The following BCL2L11 variants were observed in gnomAD, a reference collection of about 807,000 sequenced individuals.
The protein encoded by BCL2L11 is BCL2 like 11.
BCL2L11 carries 15 observed loss-of-function variants against 20.6 expected under a neutral mutation model. The ratio of observed to expected loss-of-function variants is 0.73; its 90% confidence interval spans 0.49 to 1.12. The LOEUF (loss-of-function observed/expected upper bound fraction) is 1.12, where lower values mean the gene tolerates loss of function less well. BCL2L11 is among the 50% of genes most tolerant of loss of function. The pLI, the probability that BCL2L11 is intolerant of heterozygous loss-of-function variation, is 0.00. For synonymous variants in BCL2L11, 108 were observed against 92.8 expected, an observed-to-expected ratio of 1.16 and a Z score of -0.94; for missense variants, 292 against 260.9, an observed-to-expected ratio of 1.12 and a Z score of -0.82.
chr2:111,132,805 C>G (rs1011370815), intron 2 of BCL2L11, among the ~76,000 whole-genome samples: 1 of 152,142 alleles, frequency 6.6e-6, no homozygotes, highest in Non-Finnish European at 1.5e-5. Flanking sequence ...CTTTGCTTAT[C>G]GAAGATCAGG....
At chr2:111,121,883 C>T (rs1030189735) in intron 1 of BCL2L11, among the ~76,000 whole-genome samples, 1 of 152,172 alleles carries the variant, frequency 6.6e-6, no homozygotes, top group Admixed American at 6.5e-5. Context: ...GGGGACTAGT[C>T]GCGGCCGGCA....
intron 3 of BCL2L11, among the ~76,000 whole-genome samples, chr2:111,154,366 A>AG (rs2077587139): frequency 6.6e-6 from 1 of 152,002 alleles, no homozygotes; most frequent in Non-Finnish European, 1.5e-5. Flanking sequence ...AAAAAAAAAA[A>AG]AAAGAAAAAA....
intron 2 of BCL2L11, among the ~76,000 whole-genome samples, chr2:111,132,723 A>G (rs1189183154): frequency 6.6e-6 from 1 of 152,218 alleles, no homozygotes; most frequent in Non-Finnish European, 1.5e-5. Flanking sequence ...ATACCTACAG[A>G]TCGGGTGAAT....
At position 111,123,686 on chromosome 2, in the gene BCL2L11, A is replaced by ATTTT. The variant is rs372903612; in HGVS notation, c.-13-39_-13-36dup. On this transcript the variant is annotated intron_variant, in intron 1 of 3. Coordinates refer to ENST00000393256, the MANE Select transcript of BCL2L11 (RefSeq NM_138621.5). The stretch of plus-strand genomic sequence containing the variant: ...TGAGAGCTAATTTGTTTATTCATCG[A>ATTTT]TTTTTTTTTTTGCTTAAAATAATCT... 2,478 of 1,080,426 alleles carry ATTTT rather than the reference A, an allele frequency of 2.3e-3. 32 individuals carry two copies. In the African/African-American group the frequency reaches 0.035, roughly 15 times the overall value. The allele number at this position is 1,080,426 out of a possible 1,614,324, so 66.9% of individuals were successfully genotyped here. A position where few individuals can be genotyped will look rare whatever the true frequency, so the allele number is the denominator to read the frequency against.
chr2:111,137,660 A>G (rs531306217), intron 2 of BCL2L11, among the ~76,000 whole-genome samples: 1 of 148,594 alleles, frequency 6.7e-6, no homozygotes, highest in East Asian at 2.0e-4. Context: ...TTTTCAGGAA[A>G]TGCTAGCAGA....
Position 111,150,086 on chromosome 2 carries a change from T to TA in BCL2L11, c.438dup (p.Trp147MetfsTer14). The TA allele has an allele frequency of 6.2e-7, 1 of 1,614,080 alleles. No individual in the cohort carries two copies. Among genetic ancestry groups the TA allele is most frequent in the Non-Finnish European group, 8.5e-7 (1 of 1,179,954 alleles). ...GAACCTGCAGATATGCGCCCAGAGA[T>TA]ATGGATCGCCCAAGAGTTGCGGCGT... On this transcript the variant is annotated frameshift_variant, in exon 3 of 4. Transcript: ENST00000393256. LOFTEE classifies it high-confidence loss of function.
In BCL2L11 at chr2:111,164,901, T is replaced by C. The variant is rs1575242804; in HGVS notation, c.*670T>C. On this transcript the variant is annotated 3_prime_UTR_variant, in exon 4 of 4. Transcript: ENST00000393256. Reference sequence around the variant, plus strand: ...CCAGTCCCATTTGTAAATATTTACGTACCTTTATAAATTCAGTTGCATCTG... The same window carrying C: ...CCAGTCCCATTTGTAAATATTTACGCACCTTTATAAATTCAGTTGCATCTG... The C allele has an allele frequency of 6.6e-6, 1 of 152,562 alleles. No individual in the cohort carries two copies. The highest frequency in any genetic ancestry group is 6.5e-5 in the Admixed American group (1 of 15,310). 9.5% of individuals were successfully genotyped at this position (152,562 alleles called of 1,614,324 possible).
At chr2:111,163,479 T>C (rs1314972498) in intron 3 of BCL2L11, 1 of 152,300 alleles carries the variant, frequency 6.6e-6, no homozygotes, top group Non-Finnish European at 1.5e-5. Context: ...TGATTTCCTT[T>C]TGAACAGTTT....
At chr2:111,160,815 G>C (rs1348993566) in intron 3 of BCL2L11, among the ~76,000 whole-genome samples, 2 of 152,164 alleles carry the variant, frequency 1.3e-5, no homozygotes, top group African/African-American at 2.4e-5. Flanking sequence ...TTGCAATTTA[G>C]ACTAAAACAG....
At chr2:111,134,268 T>C (rs2074461710) in intron 2 of BCL2L11, among the ~76,000 whole-genome samples, 7 of 152,154 alleles carry the variant, frequency 4.6e-5, no homozygotes, top group Admixed American at 4.6e-4. Context: ...TATACGAACA[T>C]TTTCTAGGAT....
rs185078669 is a variant in BCL2L11 at position 111,164,173 on chromosome 2, G to A, written c.539G>A (p.Arg180Gln). 1.5e-5 allele frequency: 24 copies of A among 1,559,768 alleles called. No homozygotes were observed. The highest frequency in any genetic ancestry group is 2.5e-5 in the East Asian group (1 of 40,630). The stretch of plus-strand genomic sequence containing the variant: ...TACCAAGCAGCCGAAGACCACCCAC[G>A]AATGGTTATCTTACGACTGTTACGT... Reference protein sequence around the residue: ...NNYQAAEDHPRMVILRLLRYI... With the variant: ...NNYQAAEDHPQMVILRLLRYI... The change falls in exon 4 of 4, where the codon CGA (arginine) becomes CAA (glutamine). Residue 180 changes from arginine (R) to glutamine (Q), a missense_variant. Arg to Gln is a conservative substitution (Grantham distance 43, BLOSUM62 1). Transcript: ENST00000393256.
chr2:111,121,892 C>T (rs942038770), intron 1 of BCL2L11, among the ~76,000 whole-genome samples: 1 of 152,194 alleles, frequency 6.6e-6, no homozygotes, highest in African/African-American at 2.4e-5. Context: ...TCGCGGCCGG[C>T]AGAACCTGCT....
rs1159564851 is a variant in BCL2L11 at position 111,167,190 on chromosome 2, A to G, written c.*2959A>G. The G allele has an allele frequency of 6.6e-6, 1 of 152,408 alleles. No homozygotes were observed. The highest frequency in any genetic ancestry group is 1.9e-4 in the East Asian group (1 of 5,198). The allele number at this position is 152,408 out of a possible 1,614,324, so 9.4% of individuals were successfully genotyped here. ...CCGTCCCATGAAGTTAACTCCTGAG[A>G]GTTGTCGGGGGTGACTGGAGAGCTC... On this transcript the variant is annotated 3_prime_UTR_variant, in exon 4 of 4. Coordinates refer to ENST00000393256, the MANE Select transcript of BCL2L11 (RefSeq NM_138621.5).
intron 3 of BCL2L11, 142 bp downstream of exon 3, chr2:111,150,289 T>G: frequency 6.8e-7 from 1 of 1,464,596 alleles, no homozygotes; most frequent in South Asian, 1.2e-5. Context: ...TTTCATTGTT[T>G]CTCCTTTCCC....
At position 111,142,874 on chromosome 2, in the gene BCL2L11, A is replaced by G. The variant is rs115439129; in HGVS notation, c.395-7170A>G. Among the ~76,000 whole-genome samples, 1,076 of 152,348 alleles carry G rather than the reference A, an allele frequency of 7.1e-3. 4 individuals are homozygous for G. Among genetic ancestry groups the G allele is most frequent in the Non-Finnish European group, 0.012 (792 of 68,032 alleles). On this transcript the variant is annotated intron_variant, in intron 2 of 3. Coordinates refer to ENST00000393256, the MANE Select transcript of BCL2L11 (RefSeq NM_138621.5). ...GGTTTTTTGGCTAGAAACAACTTAC[A>G]GTAACTTCAAATTAAGCATTTTAAT...
chr2:111,130,350 C>T (rs985018070), intron 2 of BCL2L11: 14 of 228,096 alleles, frequency 6.1e-5, no homozygotes, highest in Non-Finnish European at 7.2e-5. Context: ...GTGATCTGCC[C>T]GCCTTGGCCT....
At position 111,153,899 on chromosome 2, in the gene BCL2L11, G is replaced by T. The variant is rs1275065433; in HGVS notation, c.498+3752G>T. ...ATCCTTGAAGGAGGAGGTGAGAGAGGCACAGGTGAGCGCAAAGTCCCAGTG... is the reference window on the plus strand; with the variant it reads ...ATCCTTGAAGGAGGAGGTGAGAGAGTCACAGGTGAGCGCAAAGTCCCAGTG... On this transcript the variant is annotated intron_variant, in intron 3 of 3. Coordinates refer to ENST00000393256, the MANE Select transcript of BCL2L11 (RefSeq NM_138621.5). The T allele has an allele frequency of 2.6e-6, 4 of 1,544,482 alleles. No individual in the cohort carries two copies. The Admixed American group carries it at 7.9e-5, about 31-fold the overall frequency.
intron 2 of BCL2L11, among the ~76,000 whole-genome samples, chr2:111,147,114 C>G (rs1371559222): frequency 6.6e-6 from 1 of 152,164 alleles, no homozygotes; most frequent in Non-Finnish European, 1.5e-5. Context: ...GTTGATAGCT[C>G]TTACTAATGT....
At chr2:111,150,180 C>A in intron 3 of BCL2L11, 33 bp downstream of exon 3, 1 of 1,606,798 alleles carries the variant, frequency 6.2e-7, no homozygotes, top group South Asian at 1.1e-5. Flanking sequence ...CTTTTCTGCT[C>A]ACACCCTCCC....
Sources: allele counts gnomAD v4.1 joint callset (sites outside exome capture counted in the v4.1 genomes callset), GRCh38; gene constraint gnomAD v4.1.1; transcripts MANE v1.5; gene names NCBI Gene and HGNC (gene_info 2026-07-23, HGNC 2026-07-21).